Variants in MBNL1 observed in about 807,000 individuals in gnomAD.
MBNL1 encodes the protein muscleblind-like protein 1.
In MBNL1, 8 loss-of-function variants were observed where a neutral mutation model predicts 42.2. The observed-to-expected ratio is 0.19, with a 90% CI of 0.11 to 0.34. The LOEUF (loss-of-function observed/expected upper bound fraction) is 0.34, where lower values mean the gene tolerates loss of function less well. MBNL1 is among the 10% of genes least tolerant of loss of function. The pLI, the probability that MBNL1 is intolerant of heterozygous loss-of-function variation, is 1.00. For missense variants in MBNL1, 309 were observed against 495.3 expected (o/e 0.62, Z 3.57); for synonymous variants, 169 against 173.9 (o/e 0.97, Z 0.22).
intron 2 of MBNL1, among the ~76,000 whole-genome samples, chr3:152,382,773 T>C (rs1303978484): frequency 6.6e-6 from 1 of 152,172 alleles, no homozygotes; most frequent in East Asian, 1.9e-4. Context: ...TCCTTGTTTT[T>C]CCTCACCTTT....
chr3:152,414,918 GTTTGCTGC>G lies in MBNL1; in HGVS notation c.175-19_175-12del. 1 of 1,606,014 alleles carries G rather than the reference GTTTGCTGC, an allele frequency of 6.2e-7. No homozygotes were observed. Among genetic ancestry groups the G allele is most frequent in the Non-Finnish European group, 8.5e-7 (1 of 1,177,396 alleles). On this transcript the variant is annotated splice_polypyrimidine_tract_variant and intron_variant, in intron 2 of 9. Transcript: ENST00000324210. Reference sequence around the variant, plus strand: ...TGATTTTATTCTTTTCTAAGATGATGTTTGCTGCTTTTGTTTCTCTAGGGCCGTTGCTC... The same window carrying G: ...TGATTTTATTCTTTTCTAAGATGATGTTTTGTTTCTCTAGGGCCGTTGCTC...
intron 3 of MBNL1, among the ~76,000 whole-genome samples, chr3:152,428,636 C>T (rs1408659318): frequency 6.6e-6 from 1 of 152,106 alleles, no homozygotes; most frequent in Non-Finnish European, 1.5e-5. Context: ...AAAAATGTAC[C>T]TATATCTGTA....
At chr3:152,311,752 T>C (rs2152065010) in intron 2 of MBNL1, among the ~76,000 whole-genome samples, 1 of 152,288 alleles carries the variant, frequency 6.6e-6, no homozygotes, top group South Asian at 2.1e-4. Flanking sequence ...TTTGACCATG[T>C]AAATATAAGA....
chr3:152,442,219 GGA>G lies in MBNL1; in HGVS notation c.550-3062_550-3061del, dbSNP rs562135814. ...ATTCTTGGAATATTACTTGTAATAT[GGA>G]AATACTGGAAATTATCTAGATATCC... On this transcript the variant is annotated intron_variant, in intron 4 of 9. Coordinates refer to ENST00000324210, the MANE Select transcript of MBNL1 (RefSeq NM_021038.5). 2.1e-3 allele frequency among the ~76,000 whole-genome samples: 324 copies of G among 152,176 alleles called. 2 individuals carry two copies. Among genetic ancestry groups the G allele is most frequent in the Non-Finnish European group, 4.0e-3 (271 of 68,004 alleles).
rs370638555 is a variant in MBNL1, at chr3:152,414,830, T to G, written c.175-111T>G. On this transcript the variant is annotated intron_variant, in intron 2 of 9. Coordinates refer to ENST00000324210, the MANE Select transcript of MBNL1 (RefSeq NM_021038.5). Reference sequence around the variant, plus strand: ...TGATCAAATGATATGGACAATGCATTGTGTGAAAAACCAATGATACATTCA... The same window carrying G: ...TGATCAAATGATATGGACAATGCATGGTGTGAAAAACCAATGATACATTCA... The G allele has an allele frequency of 5.1e-6, 5 of 982,940 alleles. No individual in the cohort carries two copies. In the East Asian group the frequency reaches 1.3e-4, roughly 25 times the overall value. 60.9% of individuals were successfully genotyped at this position (982,940 alleles called of 1,614,324 possible).
intron 2 of MBNL1, among the ~76,000 whole-genome samples, chr3:152,386,073 A>G (rs1308309059): frequency 6.6e-6 from 1 of 152,070 alleles, no homozygotes; most frequent in East Asian, 1.9e-4. Flanking sequence ...ATATTTTTAA[A>G]GTTATTTTTC....
At position 152,416,672 on chromosome 3, in the gene MBNL1, G is replaced by A. The variant is rs143531276; in HGVS notation, c.345+1561G>A. Among the ~76,000 whole-genome samples the A allele has an allele frequency of 1.5e-3, 232 of 152,316 alleles. 1 individual carries two copies. Among genetic ancestry groups the A allele is most frequent in the Non-Finnish European group, 1.9e-3 (132 of 68,022 alleles). ...GGGAGCACCTTTGAGATCAGCAAGTGTGTTCCCAGATGGAAGAGAACACTG... is the reference window on the plus strand; with the variant it reads ...GGGAGCACCTTTGAGATCAGCAAGTATGTTCCCAGATGGAAGAGAACACTG... On this transcript the variant is annotated intron_variant, in intron 3 of 9. Coordinates refer to ENST00000324210, the MANE Select transcript of MBNL1 (RefSeq NM_021038.5).
chr3:152,447,923 CAT>C (rs750313894), intron 6 of MBNL1, 150 bp downstream of exon 6: 4 of 559,736 alleles, frequency 7.1e-6, no homozygotes, highest in East Asian at 3.0e-5. Flanking sequence ...TGAGGTATCT[CAT>C]GTGGTTTTCC....
chr3:152,442,618 A>G (rs73872411), intron 4 of MBNL1, among the ~76,000 whole-genome samples: 2,501 of 152,246 alleles, frequency 0.016, 72 homozygotes, highest in African/African-American at 0.057. Context: ...TGTCTAAGAG[A>G]TTTATTTTGG....
intron 2 of MBNL1, among the ~76,000 whole-genome samples, chr3:152,411,379 G>A (rs958205587): frequency 6.6e-6 from 1 of 152,104 alleles, no homozygotes; most frequent in Non-Finnish European, 1.5e-5. Context: ...AATTAGCCGG[G>A]TGTGTTGGCG....
intron 2 of MBNL1, among the ~76,000 whole-genome samples, chr3:152,261,400 G>A (rs1281894242): frequency 2.0e-5 from 3 of 152,170 alleles, no homozygotes; most frequent in Admixed American, 1.3e-4. Context: ...TAAAAAGGAA[G>A]GACATGGGGT....
chr3:152,293,871 GA>G (rs2057316221), intron 1 of MBNL1, among the ~76,000 whole-genome samples: 1 of 152,086 alleles, frequency 6.6e-6, no homozygotes, highest in Non-Finnish European at 1.5e-5. Context: ...CTCCAAAAGA[GA>G]ATTTCATTTT....
chr3:152,334,325 A>G lies in MBNL1; in HGVS notation c.174+33958A>G, dbSNP rs191266349. ...TGAGATATTTAAATTATACAAAAAA[A>G]CTGTAGATGGCTTTTTATATCTATA... On this transcript the variant is annotated intron_variant, in intron 2 of 9. Transcript: ENST00000324210. Among the ~76,000 whole-genome samples, 269 of 152,324 alleles carry G rather than the reference A, an allele frequency of 1.8e-3. 2 individuals are homozygous for G. The highest frequency in any genetic ancestry group is 6.0e-3 in the African/African-American group (251 of 41,580).
rs1033027245 is a variant in MBNL1 at position 152,463,506 on chromosome 3, A to T, written c.*1140A>T. 2 of 152,498 alleles carry T rather than the reference A, an allele frequency of 1.3e-5. No homozygotes were observed. The highest frequency in any genetic ancestry group is 2.9e-5 in the Non-Finnish European group (2 of 67,930). The allele number at this position is 152,498 out of a possible 1,614,324, so 9.4% of individuals were successfully genotyped here. On this transcript the variant is annotated 3_prime_UTR_variant, in exon 10 of 10. Coordinates refer to ENST00000324210, the MANE Select transcript of MBNL1 (RefSeq NM_021038.5). ...CAGTCACATTCAAAATAGTGACTCT[A>T]AACAAAGAAGAAAGCAGCACTGTCA... is the stretch of plus-strand genomic sequence containing the variant.
chr3:152,260,888 A>AG (rs2036143511), intron 2 of MBNL1, among the ~76,000 whole-genome samples: 3 of 152,216 alleles, frequency 2.0e-5, no homozygotes, highest in African/African-American at 7.2e-5. Flanking sequence ...TTAGCTATCC[A>AG]CAGCTAGTCC....
intron 4 of MBNL1, among the ~76,000 whole-genome samples, chr3:152,440,830 GTGAT>G (rs1480132124): frequency 6.6e-6 from 1 of 152,154 alleles, no homozygotes. Context: ...TTTGATCAAA[GTGAT>G]TGATCAAAGT....
intron 2 of MBNL1, among the ~76,000 whole-genome samples, chr3:152,374,807 G>T (rs1269842036): frequency 6.6e-6 from 1 of 152,226 alleles, no homozygotes; most frequent in East Asian, 1.9e-4. Context: ...GCCCACTGGC[G>T]GCAAATCCTT....
intron 2 of MBNL1, among the ~76,000 whole-genome samples, chr3:152,310,362 TAC>T (rs1048643505): frequency 1.3e-5 from 2 of 152,234 alleles, no homozygotes; most frequent in African/African-American, 4.8e-5. Context: ...CTTACGAGGT[TAC>T]ACAGTCAGGA....
chr3:152,301,880 T>C (rs925024694), intron 2 of MBNL1: 2 of 152,180 alleles, frequency 1.3e-5, no homozygotes, highest in African/African-American at 4.8e-5. Context: ...AACCCTGTTT[T>C]GACCCAATTA....
Sources: allele counts gnomAD v4.1 joint callset (sites outside exome capture counted in the v4.1 genomes callset), GRCh38; gene constraint gnomAD v4.1.1; transcripts MANE v1.5; gene names NCBI Gene and HGNC (gene_info 2026-07-23, HGNC 2026-07-21).